The following PCDH7 variants were observed in gnomAD, a reference collection of about 807,000 sequenced individuals.
The protein encoded by PCDH7 is protocadherin 7.
In PCDH7, 17 loss-of-function variants were observed where a neutral mutation model predicts 58.9. The observed-to-expected ratio is 0.29, with a 90% confidence interval of 0.20 to 0.43. PCDH7 has a LOEUF of 0.43. Among genes scored for constraint, PCDH7 ranks in the 20% least tolerant of loss-of-function variants. The pLI is 1.00. For missense variants in PCDH7, 1,274 were observed against 1,441.0 expected (o/e 0.88, Z 1.88); for synonymous variants, 664 against 616.4 (o/e 1.08, Z -1.14).
intron 3 of PCDH7, among the ~76,000 whole-genome samples, chr4:31,099,089 A>C (rs529886785): frequency 7.9e-5 from 12 of 152,308 alleles, no homozygotes; most frequent in African/African-American, 2.2e-4. Context: ...GAAGGCTTCA[A>C]CATAGGAATT....
At chr4:31,014,159 T>C (rs1553926405) in intron 3 of PCDH7, among the ~76,000 whole-genome samples, 1 of 151,896 alleles carries the variant, frequency 6.6e-6, no homozygotes, top group African/African-American at 2.4e-5. Flanking sequence ...AAAAAGGAAG[T>C]GGCCTATTTA....
At chr4:30,832,716 G>A (rs1465745995) in intron 1 of PCDH7, among the ~76,000 whole-genome samples, 3 of 152,064 alleles carry the variant, frequency 2.0e-5, no homozygotes, top group African/African-American at 7.2e-5. Flanking sequence ...AAACTTTGAT[G>A]GTCCTGTCAT....
At chr4:31,077,852 T>C (rs1759136528) in intron 3 of PCDH7, among the ~76,000 whole-genome samples, 1 of 152,216 alleles carries the variant, frequency 6.6e-6, no homozygotes, top group Admixed American at 6.5e-5. Context: ...GTCCACTGAC[T>C]GACTCCTAAA....
rs183741732 is a variant in PCDH7 at position 31,128,658 on chromosome 4, T to C, written c.*8-13815T>C. Among the ~76,000 whole-genome samples, 62 of 152,274 alleles carry C rather than the reference T, an allele frequency of 4.1e-4. 1 individual carries two copies. Among genetic ancestry groups the C allele is most frequent in the African/African-American group, 1.5e-3 (62 of 41,568 alleles). On this transcript the variant is annotated intron_variant, in intron 3 of 3. Coordinates refer to the PCDH7 transcript ENST00000509759. ...TAAGCAAAGAAGCTTAACAGGTTAGTTCATGTGTATTTCCTTGTGACCACT... is the reference window on the plus strand; with the variant it reads ...TAAGCAAAGAAGCTTAACAGGTTAGCTCATGTGTATTTCCTTGTGACCACT...
downstream of PCDH7, chr4:30,733,044 C>T (rs139307499): frequency 7.1e-3 from 1,086 of 152,364 alleles, 10 homozygotes; most frequent in Non-Finnish European, 0.013. Context: ...CCATGCCCAG[C>T]GCCTCCCCAG....
intron 3 of PCDH7, chr4:30,987,461 C>T (rs1046857049): frequency 2.0e-5 from 3 of 151,930 alleles, no homozygotes; most frequent in Non-Finnish European, 4.4e-5. Flanking sequence ...GGATATTATT[C>T]ATAGTATCTC....
chr4:30,739,881 A>G lies in PCDH7; in HGVS notation c.70+15285A>G, dbSNP rs533847997. Among the ~76,000 whole-genome samples, 11 of 152,332 alleles carry G rather than the reference A, an allele frequency of 7.2e-5. No individual in the cohort carries two copies. The South Asian group carries it at 2.1e-3, about 29-fold the overall frequency. On this transcript the variant is annotated intron_variant, in intron 1 of 3. Coordinates refer to the PCDH7 transcript ENST00000509759. ...AAAGTTTCTTCCTTCGTGGAGTTTC[A>G]GTTTTAGTGTTGTAATATGTAAATA...
intron 2 of PCDH7, among the ~76,000 whole-genome samples, chr4:30,936,016 C>T (rs145769558): frequency 6.7e-4 from 102 of 151,898 alleles, no homozygotes; most frequent in Admixed American, 7.9e-4. Context: ...TATAAATACA[C>T]ATAAAATGAA....
intron 2 of PCDH7, among the ~76,000 whole-genome samples, chr4:30,938,109 A>C (rs1745573153): frequency 6.6e-6 from 1 of 152,064 alleles, no homozygotes; most frequent in Admixed American, 6.6e-5. Context: ...AAGAACAAAA[A>C]ATGTAATATA....
At chr4:30,818,829 A>G (rs893533501) in intron 1 of PCDH7, among the ~76,000 whole-genome samples, 1 of 152,148 alleles carries the variant, frequency 6.6e-6, no homozygotes, top group Non-Finnish European at 1.5e-5. Flanking sequence ...CAATACCTGA[A>G]ATCCAATGGA....
chr4:31,079,962 A>AAGTGCTCAG (rs1759366071), intron 3 of PCDH7, among the ~76,000 whole-genome samples: 1 of 152,200 alleles, frequency 6.6e-6, no homozygotes, highest in Admixed American at 6.5e-5. Flanking sequence ...AATAGCAGGG[A>AAGTGCTCAG]TAAGAGTAAA....
rs187384433 is a variant in PCDH7 at position 30,781,588 on chromosome 4, G to A, written c.70+56992G>A. On this transcript the variant is annotated intron_variant, in intron 1 of 3. Transcript: ENST00000509759. ...TTTCCCTCTTGTTGCCCAGGCTGGAGTGCAATGGTGTGATCTTGGCTGATT... is the reference window on the plus strand; with the variant it reads ...TTTCCCTCTTGTTGCCCAGGCTGGAATGCAATGGTGTGATCTTGGCTGATT... 2.0e-5 allele frequency among the ~76,000 whole-genome samples: 3 copies of A among 149,562 alleles called. No homozygotes were observed. In the East Asian group the frequency reaches 6.0e-4, roughly 30 times the overall value.
intron 1 of PCDH7, among the ~76,000 whole-genome samples, chr4:30,816,005 T>C (rs1261087505): frequency 6.6e-6 from 1 of 152,180 alleles, no homozygotes; most frequent in African/African-American, 2.4e-5. Flanking sequence ...GTGAACTCAT[T>C]CAATAAATTA....
chr4:30,721,146 G>C lies in PCDH7; in HGVS notation c.-277G>C. ...CTGTGAGTACTGCGACTGAACGGCG[G>C]CAGGCGAGCGGGCGATTAGCACCCA... On this transcript the variant is annotated 5_prime_UTR_variant, in exon 1 of 2. Transcript: ENST00000361762. The surrounding 1 kb of genome is among the most constrained non-coding windows in gnomAD (Gnocchi z 6.7). 2.2e-6 allele frequency: 1 copy of C among 453,692 alleles called. No homozygotes were observed. Among genetic ancestry groups the C allele is most frequent in the Non-Finnish European group, 3.9e-6 (1 of 256,686 alleles). 28.1% of individuals were successfully genotyped at this position (453,692 alleles called of 1,614,324 possible).
chr4:30,936,879 A>G (rs1371991419), intron 2 of PCDH7, among the ~76,000 whole-genome samples: 1 of 152,088 alleles, frequency 6.6e-6, no homozygotes, highest in Non-Finnish European at 1.5e-5. Flanking sequence ...AGGTAAGAAG[A>G]ATCAATACCA....
At chr4:31,010,839 C>T (rs1753121331) in intron 3 of PCDH7, among the ~76,000 whole-genome samples, 1 of 151,784 alleles carries the variant, frequency 6.6e-6, no homozygotes, top group South Asian at 2.1e-4. Flanking sequence ...GATTTTAAGC[C>T]TCATTTTTTC....
Position 30,724,035 on chromosome 4 carries a change from T to G in PCDH7, c.2613T>G (p.Tyr871Ter). The G allele has an allele frequency of 6.2e-7, 1 of 1,614,096 alleles. No homozygotes were observed. Among genetic ancestry groups the G allele is most frequent in the Non-Finnish European group, 8.5e-7 (1 of 1,180,014 alleles). Residue 871 changes from tyrosine (Y) to a stop codon, truncating the protein, a stop_gained, in exon 1 of 2, where the codon TAT becomes TAG. Coordinates refer to ENST00000361762, the Ensembl canonical transcript of PCDH7. LOFTEE classifies it high-confidence loss of function. ...AGGATATAGCTGGTGACCCAAGCTA[T>G]GAAATTAGCAAACAGAGACTCAGTA... is the stretch of plus-strand genomic sequence containing the variant.
exon 2 of PCDH7, chr4:30,730,927 G>A: frequency 7.5e-7 from 1 of 1,341,964 alleles, no homozygotes; most frequent in Non-Finnish European, 9.6e-7. Flanking sequence ...TTATTTTTGA[G>A]TCTTTTTCTT....
intron 3 of PCDH7, among the ~76,000 whole-genome samples, chr4:31,039,959 T>C (rs942873852): frequency 1.3e-5 from 2 of 152,174 alleles, no homozygotes; most frequent in African/African-American, 4.8e-5. Flanking sequence ...GTTTAAAGGT[T>C]ATGTGCGTAG....
Sources: allele counts gnomAD v4.1 joint callset (sites outside exome capture counted in the v4.1 genomes callset), GRCh38; gene constraint gnomAD v4.1.1; non-coding constraint Gnocchi (gnomAD v3.1); transcripts MANE v1.5; gene names NCBI Gene and HGNC (gene_info 2026-07-23, HGNC 2026-07-21).